Variants in TTC7A observed in about 807,000 individuals in gnomAD.
The protein encoded by TTC7A is tetratricopeptide repeat protein 7A.
A neutral mutation model predicts 103.7 loss-of-function variants in TTC7A; 110 were observed. That is an observed-to-expected ratio of 1.06 (90% confidence interval 0.91 to 1.24). The LOEUF (loss-of-function observed/expected upper bound fraction) is 1.24, where lower values mean the gene tolerates loss of function less well. Ranked by LOEUF, TTC7A falls within the 50% of genes most tolerant of loss-of-function variation. The pLI is 0.00. For missense variants in TTC7A, 1,340 were observed against 1,116.3 expected (o/e 1.20, Z -2.86); for synonymous variants, 521 against 467.9 (o/e 1.11, Z -1.47).
chr2:46,974,189 A>C (rs1381761571), intron 3 of TTC7A, among the ~76,000 whole-genome samples: 1 of 152,234 alleles, frequency 6.6e-6, no homozygotes, highest in East Asian at 1.9e-4. Flanking sequence ...AGCTTAGCTT[A>C]GGGGAAAAGG....
In TTC7A at chr2:46,993,490, C is replaced by T. The variant is rs779629005; in HGVS notation, c.805C>T (p.Arg269Trp). 2.0e-5 allele frequency: 32 copies of T among 1,613,998 alleles called. No individual in the cohort carries two copies. The highest frequency in any genetic ancestry group is 2.5e-5 in the Non-Finnish European group (29 of 1,180,020). ...CATGAGAGAGCTCCGGGAGGTGCTG[C>T]GGACTGTGGAGACCAAAGCAACTCA... is the stretch of plus-strand genomic sequence containing the variant. Reference protein sequence around the residue: ...KGMRELREVLRTVETKATQNF... With the variant: ...KGMRELREVLWTVETKATQNF... The change falls in exon 6 of 20, where the codon CGG becomes TGG. Residue 269 changes from arginine (R) to tryptophan (W), a missense_variant. Coordinates refer to ENST00000319190, the MANE Select transcript of TTC7A (RefSeq NM_020458.4).
chr2:46,993,262 T>G (rs1022397269), intron 5 of TTC7A, among the ~76,000 whole-genome samples, 188 bp from the exon 6 acceptor site: 2 of 152,176 alleles, frequency 1.3e-5, no homozygotes, highest in African/African-American at 4.8e-5. Context: ...GGATCCTCCC[T>G]CCTTTTTGTT....
intron 8 of TTC7A, among the ~76,000 whole-genome samples, chr2:47,001,497 T>A (rs1185921665): frequency 6.6e-6 from 1 of 152,078 alleles, no homozygotes; most frequent in East Asian, 1.9e-4. Context: ...TGGTCAGTGG[T>A]TTCATCCCTG....
At chr2:47,035,642 AGAAAG>A (rs1391878934) in intron 15 of TTC7A, 2 of 152,256 alleles carry the variant, frequency 1.3e-5, no homozygotes, top group African/African-American at 4.8e-5. Flanking sequence ...AAGAGAGGAA[AGAAAG>A]GAAAGAGGAA....
Position 46,941,859 on chromosome 2 carries a change from C to A in TTC7A, c.184+134C>A. 8.4e-7 allele frequency: 1 copy of A among 1,185,512 alleles called. No individual in the cohort carries two copies. Among genetic ancestry groups the A allele is most frequent in the Non-Finnish European group, 1.2e-6 (1 of 846,694 alleles). 73.4% of individuals were successfully genotyped at this position (1,185,512 alleles called of 1,614,324 possible). On this transcript the variant is annotated intron_variant, in intron 1 of 19. Coordinates refer to ENST00000319190, the MANE Select transcript of TTC7A (RefSeq NM_020458.4). This position sits in a 1 kb window ranked among gnomAD's most constrained non-coding sequence, Gnocchi z 4.2. The stretch of plus-strand genomic sequence containing the variant: ...CCACCGTGCTAGTCTTAAGAGCAGC[C>A]AGGGCAGTTAGGAAGGTCCTTCTGC...
intron 8 of TTC7A, among the ~76,000 whole-genome samples, chr2:47,001,616 G>T (rs1676814320): frequency 6.6e-6 from 1 of 152,186 alleles, no homozygotes; most frequent in Non-Finnish European, 1.5e-5. Context: ...CAGCACTTTG[G>T]GAGGCCGAGG....
intron 5 of TTC7A, among the ~76,000 whole-genome samples, chr2:46,985,695 A>G (rs976237593): frequency 2.6e-5 from 4 of 152,240 alleles, no homozygotes; most frequent in African/African-American, 7.2e-5. Context: ...TGTCCAGCCC[A>G]TGGCACCACG....
chr2:47,060,202 T>A (rs112252387), intron 18 of TTC7A, among the ~76,000 whole-genome samples: 1 of 151,894 alleles, frequency 6.6e-6, no homozygotes, highest in African/African-American at 2.4e-5. Context: ...CCTGAGCCCC[T>A]CTACCAAAAA....
At chr2:46,919,410 G>A (rs1668984263) in intron 2 of TTC7A, among the ~76,000 whole-genome samples, 1 of 152,142 alleles carries the variant, frequency 6.6e-6, no homozygotes, top group Non-Finnish European at 1.5e-5. Context: ...ACGCATGCTT[G>A]TAATCCCAGA....
chr2:47,045,970 A>G (rs1682271494), intron 15 of TTC7A, among the ~76,000 whole-genome samples: 1 of 152,148 alleles, frequency 6.6e-6, no homozygotes, highest in Non-Finnish European at 1.5e-5. Flanking sequence ...TGCTTAGTGG[A>G]GGATGTGGGT....
At chr2:46,985,460 T>C (rs1009133521) in intron 5 of TTC7A, among the ~76,000 whole-genome samples, 2 of 152,242 alleles carry the variant, frequency 1.3e-5, no homozygotes, top group Non-Finnish European at 2.9e-5. Context: ...GTGGCTGGAC[T>C]GTAAATAATT....
chr2:47,049,825 C>T, intron 16 of TTC7A, 124 bp from the exon 17 acceptor site: 1 of 704,394 alleles, frequency 1.4e-6, no homozygotes, highest in South Asian at 1.7e-5. Flanking sequence ...AGCCCCAGAG[C>T]CTGCCTGGAG....
In TTC7A at chr2:47,023,465, G is replaced by C; in HGVS notation, c.1568G>C (p.Arg523Thr). 6.2e-7 allele frequency: 1 copy of C among 1,614,096 alleles called. No individual in the cohort carries two copies. The highest frequency in any genetic ancestry group is 8.5e-7 in the Non-Finnish European group (1 of 1,180,004). The change falls in exon 13 of 20, where the codon AGG (arginine) becomes ACG (threonine). Residue 523 changes from arginine to threonine, a missense_variant and splice_region_variant. Coordinates refer to ENST00000319190, the MANE Select transcript of TTC7A (RefSeq NM_020458.4). Reference sequence around the variant, plus strand: ...CGGAAGGCACTGCAGACGCTGGAGAGGTGAGGAGGCTCCCACCTGCAGCAG... The same window carrying C: ...CGGAAGGCACTGCAGACGCTGGAGACGTGAGGAGGCTCCCACCTGCAGCAG... ...LHRKALQTLE[R>T]AQQLAPSDPQ...
At chr2:46,927,287 T>A (rs2103825143) in intron 2 of TTC7A, among the ~76,000 whole-genome samples, 1 of 148,674 alleles carries the variant, frequency 6.7e-6, no homozygotes, top group Middle Eastern at 3.5e-3. Context: ...AAACCTAAGC[T>A]AAGCACATTA....
At chr2:47,020,168 C>T (rs1427128032) in intron 11 of TTC7A, among the ~76,000 whole-genome samples, 1 of 152,138 alleles carries the variant, frequency 6.6e-6, no homozygotes, top group African/African-American at 2.4e-5. Context: ...CGGGGAGGAG[C>T]GGGGGTCCCA....
At chr2:47,005,626 C>A (rs1243666194) in intron 8 of TTC7A, among the ~76,000 whole-genome samples, 2 of 152,174 alleles carry the variant, frequency 1.3e-5, no homozygotes, top group African/African-American at 4.8e-5. Flanking sequence ...TGAGACTATT[C>A]TTGCAACTTT....
At chr2:46,985,991 G>A (rs989770724) in intron 5 of TTC7A, among the ~76,000 whole-genome samples, 4 of 152,190 alleles carry the variant, frequency 2.6e-5, no homozygotes. Flanking sequence ...GATGCCAGGA[G>A]CACCATCCCC....
intron 19 of TTC7A, 82 bp from the exon 20 acceptor site, chr2:47,073,620 G>T: frequency 8.3e-7 from 1 of 1,209,934 alleles, no homozygotes; most frequent in Admixed American, 1.8e-5. Flanking sequence ...GCTGCCACCC[G>T]TGCACCTGTG....
intron 5 of TTC7A, among the ~76,000 whole-genome samples, chr2:46,991,091 G>A (rs1338272028): frequency 6.6e-6 from 1 of 151,968 alleles, no homozygotes; most frequent in Non-Finnish European, 1.5e-5. Context: ...AATTTTTGTA[G>A]TTTTAGTAGA....
Sources: gnomAD v4.1 joint callset for allele counts (sites outside exome capture counted in the v4.1 genomes callset) on GRCh38, gnomAD v4.1.1 for gene constraint, Gnocchi (gnomAD v3.1) non-coding constraint, MANE v1.5 for transcripts, NCBI Gene and HGNC (gene_info 2026-07-23, HGNC 2026-07-21) for gene names.